ATP11B: variants seen among roughly 807,000 people sequenced by gnomAD.
ATP11B encodes ATPase phospholipid transporting 11B (putative).
Under a neutral mutation model 157.8 loss-of-function variants are expected in ATP11B, and 81 were observed. That is an observed-to-expected ratio of 0.51 (90% CI 0.43 to 0.62). The LOEUF is 0.62. ATP11B is among the 20% of genes least tolerant of loss of function. The pLI is 0.00. For synonymous variants in ATP11B, 451 were observed against 469.4 expected, an observed-to-expected ratio of 0.96 and a Z score of 0.51; for missense variants, 1,165 against 1,402.2, an observed-to-expected ratio of 0.83 and a Z score of 2.70.
chr3:182,841,388 T>A (rs80219760), intron 7 of ATP11B, among the ~76,000 whole-genome samples: 448 of 152,318 alleles, frequency 2.9e-3, no homozygotes, highest in Non-Finnish European at 5.0e-3. Context: ...TAGAACAGTA[T>A]CTGTCATCTT....
chr3:182,824,346 T>C (rs1717579359), intron 2 of ATP11B, among the ~76,000 whole-genome samples: 1 of 152,220 alleles, frequency 6.6e-6, no homozygotes, highest in South Asian at 2.1e-4. Context: ...GGCTGTAGTT[T>C]TCCCCAGCTG....
At chr3:182,917,766 G>A (rs1577129981) in intron 29 of ATP11B, 1 of 984,970 alleles carries the variant, frequency 1.0e-6, no homozygotes, top group African/African-American at 1.7e-5. Context: ...ACTACATATA[G>A]AAACTGTTTT....
intron 1 of ATP11B, among the ~76,000 whole-genome samples, chr3:182,803,573 C>T (rs1430891635): frequency 6.6e-6 from 1 of 152,076 alleles, no homozygotes; most frequent in Non-Finnish European, 1.5e-5. Flanking sequence ...CTTTGTTATA[C>T]TAGGATCATA....
At chr3:182,911,278 C>CCA (rs1553826128) in intron 28 of ATP11B, among the ~76,000 whole-genome samples, 1 of 124,682 alleles carries the variant, frequency 8.0e-6, no homozygotes, top group African/African-American at 3.2e-5. Context: ...AATGCCCCCC[C>CCA]CCGCTAAGTC....
intron 1 of ATP11B, among the ~76,000 whole-genome samples, chr3:182,799,180 T>A (rs1255035834): frequency 6.6e-6 from 1 of 152,266 alleles, no homozygotes; most frequent in Non-Finnish European, 1.5e-5. Flanking sequence ...GGAAATAATT[T>A]ATCAAGTCAA....
intron 24 of ATP11B, 27 bp downstream of exon 24, chr3:182,887,740 C>T (rs1449211521): frequency 6.3e-7 from 1 of 1,589,472 alleles, no homozygotes; most frequent in African/African-American, 1.4e-5. Flanking sequence ...ATTAAATGGC[C>T]TTATCAGTTT....
intron 23 of ATP11B, among the ~76,000 whole-genome samples, 192 bp from the exon 24 acceptor site, chr3:182,887,394 A>G (rs1722868004): frequency 6.6e-6 from 1 of 152,238 alleles, no homozygotes; most frequent in African/African-American, 2.4e-5. Context: ...CACAAAGAAT[A>G]TCAACCTAGG....
chr3:182,874,358 A>G (rs1721878913), intron 19 of ATP11B, among the ~76,000 whole-genome samples: 1 of 152,208 alleles, frequency 6.6e-6, no homozygotes, highest in Non-Finnish European at 1.5e-5. Flanking sequence ...CTGCTGTTTG[A>G]TACTCTACAA....
At position 182,793,561 on chromosome 3, in the gene ATP11B, G is replaced by T; in HGVS notation, c.-199G>T. ...CTCAGCTGCGCCGGGCGGGGGCGGC[G>T]CCGGGGCCGCGCCTGTAGGACTCGG... On this transcript the variant is annotated 5_prime_UTR_variant, in exon 1 of 30. Coordinates refer to ENST00000323116, the MANE Select transcript of ATP11B (RefSeq NM_014616.3). 1 of 364,142 alleles carries T rather than the reference G, an allele frequency of 2.7e-6. No individual in the cohort carries two copies. 22.6% of individuals were successfully genotyped at this position (364,142 alleles called of 1,614,324 possible).
At chr3:182,813,986 A>G (rs1293671598) in intron 1 of ATP11B, among the ~76,000 whole-genome samples, 2 of 152,192 alleles carry the variant, frequency 1.3e-5, no homozygotes, top group African/African-American at 4.8e-5. Flanking sequence ...TTGGCCTCCC[A>G]AAGTGGTGGG....
intron 12 of ATP11B, among the ~76,000 whole-genome samples, chr3:182,859,856 C>T (rs1720699842): frequency 6.6e-6 from 1 of 151,922 alleles, no homozygotes; most frequent in African/African-American, 2.4e-5. Context: ...TTCCATGTGC[C>T]ACAAACAAGT....
In ATP11B at chr3:182,913,907, G is replaced by A. The variant is rs745538279; in HGVS notation, c.3365G>A (p.Cys1122Tyr). The change falls in exon 29 of 30, where the codon TGT (cysteine) becomes TAT (tyrosine). Residue 1122 changes from cysteine to tyrosine, a missense_variant. Cys to Tyr is a radical substitution (Grantham distance 194, BLOSUM62 -2). Around this residue, in one of 4 missense-constraint regions of ATP11B, gnomAD observed 303 missense variants for 296.3 expected, o/e 1.02. Transcript: ENST00000323116. ...AGIKCLDSMC[C>Y]FPEGEAACAS... Reference sequence around the variant, plus strand: ...ATCAAGTGCTTGGACTCCATGTGCTGTTTCCCGGAAGGAGAAGCAGCGTGT... The same window carrying A: ...ATCAAGTGCTTGGACTCCATGTGCTATTTCCCGGAAGGAGAAGCAGCGTGT... The A allele has an allele frequency of 3.1e-6, 5 of 1,614,138 alleles. No homozygotes were observed. The highest frequency in any genetic ancestry group is 1.7e-4 in the Middle Eastern group (1 of 6,060).
chr3:182,800,335 C>T (rs1715914123), intron 1 of ATP11B, among the ~76,000 whole-genome samples: 1 of 151,438 alleles, frequency 6.6e-6, no homozygotes, highest in East Asian at 1.9e-4. Flanking sequence ...GATCCTCCTG[C>T]CTCAGCCTCC....
intron 29 of ATP11B, chr3:182,917,781 C>A: frequency 1.0e-6 from 1 of 984,916 alleles, no homozygotes; most frequent in South Asian, 4.7e-5. Context: ...TGTTTTAATG[C>A]TAATGAATGT....
At chr3:182,809,405 C>T (rs1175032057) in intron 1 of ATP11B, among the ~76,000 whole-genome samples, 1 of 152,078 alleles carries the variant, frequency 6.6e-6, no homozygotes, top group Non-Finnish European at 1.5e-5. Context: ...TGCTCCACCA[C>T]GCCTGGCTAA....
At chr3:182,811,564 G>A (rs1716669231) in intron 1 of ATP11B, among the ~76,000 whole-genome samples, 1 of 152,110 alleles carries the variant, frequency 6.6e-6, no homozygotes, top group South Asian at 2.1e-4. Context: ...CCCCCCAGAA[G>A]GAGTTTTTTG....
intron 2 of ATP11B, among the ~76,000 whole-genome samples, chr3:182,821,479 C>A (rs1261687189): frequency 1.3e-5 from 2 of 152,170 alleles, no homozygotes; most frequent in African/African-American, 2.4e-5. Context: ...CTCATTTGTA[C>A]ACATTTTATG....
chr3:182,874,603 G>C (rs1412115957), intron 19 of ATP11B, among the ~76,000 whole-genome samples: 1 of 152,092 alleles, frequency 6.6e-6, no homozygotes, highest in Non-Finnish European at 1.5e-5. Context: ...TGTGCTACCT[G>C]TTTGAAAAGA....
intron 21 of ATP11B, among the ~76,000 whole-genome samples, chr3:182,883,815 C>T (rs1401005516): frequency 3.9e-4 from 58 of 150,326 alleles, no homozygotes; most frequent in African/African-American, 6.1e-4. Context: ...ATTAGCCGGG[C>T]GTAGTGGCGG....
Sources: allele counts gnomAD v4.1 joint callset (sites outside exome capture counted in the v4.1 genomes callset), GRCh38; gene constraint gnomAD v4.1.1; regional missense constraint gnomAD v4.1.1; transcripts MANE v1.5; gene names NCBI Gene and HGNC (gene_info 2026-07-23, HGNC 2026-07-21).